Variants in AMD1 observed in about 807,000 individuals in gnomAD.
AMD1 encodes adenosylmethionine decarboxylase 1, also known as S-adenosylmethionine decarboxylase proenzyme.
A neutral mutation model predicts 40.2 loss-of-function variants in AMD1; 11 were observed. The ratio of observed to expected loss-of-function variants is 0.27; its 90% confidence interval spans 0.17 to 0.45. The LOEUF (loss-of-function observed/expected upper bound fraction) is 0.45, where lower values mean the gene tolerates loss of function less well. Among genes scored for constraint, AMD1 ranks in the 20% least tolerant of loss-of-function variants. AMD1 has a pLI of 1.00. For synonymous variants in AMD1, 121 were observed against 130.8 expected, an observed-to-expected ratio of 0.93 and a Z score of 0.51; for missense variants, 257 against 410.2, an observed-to-expected ratio of 0.63 and a Z score of 3.23.
the AMD1 span, among the ~76,000 whole-genome samples, chr6:110,840,223 A>G: frequency 5.3e-5 from 8 of 151,816 alleles, no homozygotes; most frequent in African/African-American, 1.9e-4. Context: ...CCAGAGTTAC[A>G]TTTGCTTTTT....
At chr6:110,826,273 A>G in the AMD1 span, among the ~76,000 whole-genome samples, 4 of 93,360 alleles carry the variant, frequency 4.3e-5, no homozygotes, top group African/African-American at 1.4e-4. Flanking sequence ...CACCATCCCA[A>G]AAAAAAAAAA....
At chr6:110,858,491 C>T in the AMD1 span, 17 of 1,455,542 alleles carry the variant, frequency 1.2e-5, no homozygotes, top group Admixed American at 2.7e-4. Flanking sequence ...CTGGCACCAA[C>T]TAGAAAACCT....
chr6:110,891,693 C>A, intron 4 of AMD1: 2 of 170,544 alleles, frequency 1.2e-5, no homozygotes, highest in South Asian at 1.4e-4. Context: ...CCAAGTCAGT[C>A]GATCCTGCTT....
At chr6:110,831,326 C>G in the AMD1 span, among the ~76,000 whole-genome samples, 1 of 151,574 alleles carries the variant, frequency 6.6e-6, no homozygotes, top group Non-Finnish European at 1.5e-5. Flanking sequence ...GTAATCCCAG[C>G]TACTCAGGAG....
chr6:110,881,644 C>T (rs1583214285), intron 1 of AMD1, among the ~76,000 whole-genome samples: 1 of 151,688 alleles, frequency 6.6e-6, no homozygotes, highest in African/African-American at 2.4e-5. Context: ...GGTGAAACAC[C>T]TTCTCTACTA....
the AMD1 span, among the ~76,000 whole-genome samples, chr6:110,825,346 G>A: frequency 1.3e-5 from 2 of 152,146 alleles, no homozygotes; most frequent in Non-Finnish European, 2.9e-5. Flanking sequence ...CAAAGCTGTG[G>A]ATAAGAGGAG....
the AMD1 span, among the ~76,000 whole-genome samples, chr6:110,821,983 A>G: frequency 6.6e-6 from 1 of 152,218 alleles, no homozygotes; most frequent in East Asian, 1.9e-4. Context: ...GCAGAACTAA[A>G]TGAAATTGAA....
chr6:110,820,843 C>T, the AMD1 span, among the ~76,000 whole-genome samples: 2 of 152,094 alleles, frequency 1.3e-5, no homozygotes, highest in African/African-American at 4.8e-5. Flanking sequence ...GCAGAGGTTA[C>T]AGTTAGCTGA....
upstream of AMD1, among the ~76,000 whole-genome samples, chr6:110,870,493 C>T (rs532904986): frequency 6.6e-6 from 1 of 152,216 alleles, no homozygotes; most frequent in South Asian, 2.1e-4. Flanking sequence ...CATGGTGGCA[C>T]TTGCCTGTAG....
At chr6:110,872,814 T>C (rs1468028922), upstream of AMD1, among the ~76,000 whole-genome samples, 1 of 152,152 alleles carries the variant, frequency 6.6e-6, no homozygotes, top group African/African-American at 2.4e-5. Flanking sequence ...TAAATTGCAC[T>C]GGGAAAAAAG....
chr6:110,846,734 G>A, the AMD1 span, among the ~76,000 whole-genome samples: 1 of 152,066 alleles, frequency 6.6e-6, no homozygotes, highest in African/African-American at 2.4e-5. Flanking sequence ...GGTGGGTGTG[G>A]TGGCGTGTGC....
chr6:110,869,505 C>CG, the AMD1 span, among the ~76,000 whole-genome samples: 178 of 143,918 alleles, frequency 1.2e-3, no homozygotes, highest in African/African-American at 4.2e-3. Context: ...TTTACAGTTT[C>CG]TTTTTTTTTT....
At chr6:110,822,790 T>C in the AMD1 span, among the ~76,000 whole-genome samples, 2 of 152,066 alleles carry the variant, frequency 1.3e-5, no homozygotes, top group Admixed American at 6.6e-5. Context: ...CACAAGTCAA[T>C]AGATGTGATT....
the AMD1 span, among the ~76,000 whole-genome samples, chr6:110,845,595 C>A: frequency 2.0e-5 from 3 of 152,140 alleles, no homozygotes; most frequent in Admixed American, 6.6e-5. Flanking sequence ...GAGTTTAATA[C>A]CCTGCTGTTG....
At chr6:110,861,971 C>T in the AMD1 span, among the ~76,000 whole-genome samples, 2 of 151,558 alleles carry the variant, frequency 1.3e-5, no homozygotes, top group Non-Finnish European at 2.9e-5. Flanking sequence ...AAGTTCAATG[C>T]ATTCTGATTC....
In AMD1 at chr6:110,875,565, T is replaced by A. The variant is rs1785055529; in HGVS notation, c.110+350T>A. Reference sequence around the variant, plus strand: ...CTCCCGACATTTCCCTCCGTAGTAGTTGGCGGCAGGGGCCCCAGGTGGGGG... The same window carrying A: ...CTCCCGACATTTCCCTCCGTAGTAGATGGCGGCAGGGGCCCCAGGTGGGGG... On this transcript the variant is annotated intron_variant, in intron 1 of 8. Transcript: ENST00000368885. 6.4e-5 allele frequency: 12 copies of A among 188,260 alleles called. No individual in the cohort carries two copies. In the East Asian group the frequency reaches 1.6e-3, roughly 25 times the overall value. 11.7% of individuals were successfully genotyped at this position (188,260 alleles called of 1,614,324 possible).
At chr6:110,844,925 C>T in the AMD1 span, among the ~76,000 whole-genome samples, 2 of 151,736 alleles carry the variant, frequency 1.3e-5, no homozygotes, top group Non-Finnish European at 2.9e-5. Context: ...GTGAGCCTCA[C>T]GAAGCTTCTA....
the AMD1 span, among the ~76,000 whole-genome samples, chr6:110,836,871 AG>A: frequency 2.0e-5 from 3 of 152,078 alleles, no homozygotes; most frequent in Non-Finnish European, 4.4e-5. Context: ...CAATGTTTTC[AG>A]GCTAGGCACC....
At chr6:110,883,787 C>T (rs926792791) in intron 1 of AMD1, among the ~76,000 whole-genome samples, 8 of 151,744 alleles carry the variant, frequency 5.3e-5, no homozygotes, top group African/African-American at 1.5e-4. Context: ...TTAGTAGAGA[C>T]GGGGTTTCAC....
Sources: gnomAD v4.1 joint callset for allele counts (sites outside exome capture counted in the v4.1 genomes callset) on GRCh38, gnomAD v4.1.1 for gene constraint, MANE v1.5 for transcripts, NCBI Gene and HGNC (gene_info 2026-07-23, HGNC 2026-07-21) for gene names.